The following CDS1 variants were observed in gnomAD, a reference collection of about 807,000 sequenced individuals.
CDS1 encodes the protein CDP-diacylglycerol synthase 1.
CDS1 carries 41 observed loss-of-function variants against 62.1 expected under a neutral mutation model. The observed-to-expected ratio is 0.66, with a 90% CI of 0.51 to 0.86. The LOEUF is 0.86. Ranked by LOEUF, CDS1 falls within the 40% of genes least tolerant of loss-of-function variation. CDS1 has a pLI of 0.00. For synonymous variants in CDS1, 185 were observed against 192.6 expected (o/e 0.96, Z 0.32); for missense variants, 470 against 550.1 (o/e 0.85, Z 1.46).
intron 1 of CDS1, among the ~76,000 whole-genome samples, chr4:84,592,003 T>G (rs1486113661): frequency 6.6e-6 from 1 of 152,200 alleles, no homozygotes; most frequent in African/African-American, 2.4e-5. Context: ...TTACTTATGA[T>G]CAATTTCAAG....
intron 8 of CDS1, among the ~76,000 whole-genome samples, chr4:84,637,846 A>T (rs983032704): frequency 2.0e-5 from 3 of 152,278 alleles, no homozygotes; most frequent in Admixed American, 6.5e-5. Flanking sequence ...GGCACTTTTG[A>T]ATTTGAGTCT....
intron 5 of CDS1, among the ~76,000 whole-genome samples, chr4:84,623,127 G>A (rs144783475): frequency 6.2e-4 from 95 of 152,246 alleles, no homozygotes; most frequent in Non-Finnish European, 1.2e-3. Context: ...AGAGACCTCT[G>A]CATTCCTGTT....
chr4:84,604,059 G>A (rs912740364), intron 1 of CDS1, among the ~76,000 whole-genome samples, 184 bp from the exon 2 acceptor site: 4 of 152,148 alleles, frequency 2.6e-5, no homozygotes, highest in African/African-American at 9.7e-5. Context: ...AGATTTTAGC[G>A]AAGATAGTCA....
chr4:84,584,904 C>T (rs768329316), intron 1 of CDS1, among the ~76,000 whole-genome samples: 8 of 152,086 alleles, frequency 5.3e-5, no homozygotes, highest in Non-Finnish European at 1.0e-4. Flanking sequence ...TGAAAACTGC[C>T]TTGGAAACTA....
chr4:84,634,266 T>C (rs1473532850), intron 7 of CDS1, among the ~76,000 whole-genome samples: 1 of 152,142 alleles, frequency 6.6e-6, no homozygotes, highest in Non-Finnish European at 1.5e-5. Context: ...TATTAAGATA[T>C]TATTTACATA....
chr4:84,588,311 G>A (rs1413316158), intron 1 of CDS1, among the ~76,000 whole-genome samples: 5 of 152,214 alleles, frequency 3.3e-5, no homozygotes, highest in South Asian at 4.1e-4. Context: ...CTCCATTTGA[G>A]ATGTGTGCAG....
chr4:84,645,841 A>G (rs1332117666), intron 12 of CDS1, among the ~76,000 whole-genome samples: 2 of 152,342 alleles, frequency 1.3e-5, no homozygotes, highest in Middle Eastern at 3.4e-3. Flanking sequence ...AGTTTGTTAG[A>G]TGGTTGTAAG....
intron 5 of CDS1, among the ~76,000 whole-genome samples, chr4:84,623,111 TGTGCCA>T (rs1233848238): frequency 1.3e-5 from 2 of 152,230 alleles, no homozygotes; most frequent in Non-Finnish European, 2.9e-5. Flanking sequence ...TGGAGACTTC[TGTGCCA>T]GAGACCTCTG....
At chr4:84,621,248 C>T (rs902918723) in intron 5 of CDS1, among the ~76,000 whole-genome samples, 13 of 152,140 alleles carry the variant, frequency 8.5e-5, no homozygotes, top group Admixed American at 6.5e-4. Flanking sequence ...ATTGTTTTAG[C>T]TCCTAGGAGT....
chr4:84,621,278 T>A (rs1349511605), intron 5 of CDS1, among the ~76,000 whole-genome samples: 2 of 152,192 alleles, frequency 1.3e-5, no homozygotes, highest in Non-Finnish European at 2.9e-5. Flanking sequence ...AATGAATTTT[T>A]CTCCTGGTAC....
chr4:84,599,644 A>C, intron 1 of CDS1, among the ~76,000 whole-genome samples: 1 of 151,580 alleles, frequency 6.6e-6, no homozygotes, highest in East Asian at 1.9e-4. Context: ...ATATATATAT[A>C]TGTATTACAT....
At chr4:84,595,658 G>A (rs1722726344) in intron 1 of CDS1, among the ~76,000 whole-genome samples, 1 of 152,154 alleles carries the variant, frequency 6.6e-6, no homozygotes, top group African/African-American at 2.4e-5. Context: ...AAAAGCTGGA[G>A]GCATTATTTA....
intron 9 of CDS1, 103 bp from the exon 10 acceptor site, chr4:84,640,735 C>A: frequency 2.2e-6 from 2 of 893,764 alleles, no homozygotes; most frequent in Non-Finnish European, 3.1e-6. Flanking sequence ...GGCATTCTAT[C>A]TCTGGCCTTT....
At chr4:84,622,180 C>A (rs549371026) in intron 5 of CDS1, among the ~76,000 whole-genome samples, 1 of 152,238 alleles carries the variant, frequency 6.6e-6, no homozygotes, top group South Asian at 2.1e-4. Context: ...TTTAAGGTAA[C>A]AAGACTTCTG....
chr4:84,620,641 A>C (rs192814269), intron 5 of CDS1, among the ~76,000 whole-genome samples: 1 of 152,194 alleles, frequency 6.6e-6, no homozygotes, highest in African/African-American at 2.4e-5. Flanking sequence ...GAATTTACAG[A>C]TATCTTTTCT....
chr4:84,584,691 G>A (rs1560460273), intron 1 of CDS1, among the ~76,000 whole-genome samples: 1 of 152,140 alleles, frequency 6.6e-6, no homozygotes, highest in African/African-American at 2.4e-5. Context: ...CGAAATAAAC[G>A]TAAACGTGAT....
Position 84,648,713 on chromosome 4 carries a change from A to G in CDS1, c.*27A>G, listed in dbSNP as rs1724625884. The G allele has an allele frequency of 6.3e-7, 1 of 1,582,890 alleles. No individual in the cohort carries two copies. Among genetic ancestry groups the G allele is most frequent in the Non-Finnish European group, 8.6e-7 (1 of 1,161,840 alleles). On this transcript the variant is annotated 3_prime_UTR_variant, in exon 13 of 13. Coordinates refer to ENST00000295887, the MANE Select transcript of CDS1 (RefSeq NM_001263.4). ...TGGATCCAGAGAGGGAAGGACTGAC[A>G]AGAAGGAATTATTCAGAAAAACACT... is the stretch of plus-strand genomic sequence containing the variant.
At chr4:84,583,911 A>G (rs1225883559) in intron 1 of CDS1, among the ~76,000 whole-genome samples, 1 of 152,180 alleles carries the variant, frequency 6.6e-6, no homozygotes, top group Non-Finnish European at 1.5e-5. Flanking sequence ...GAACAAAGTT[A>G]GTAAGGACTA....
intron 6 of CDS1, among the ~76,000 whole-genome samples, chr4:84,632,770 GAATA>G (rs1724063061): frequency 1.3e-5 from 2 of 152,270 alleles, no homozygotes; most frequent in East Asian, 3.9e-4. Context: ...GATAAAAATA[GAATA>G]AAATAGAGCA....
Sources: allele counts gnomAD v4.1 joint callset (sites outside exome capture counted in the v4.1 genomes callset), GRCh38; gene constraint gnomAD v4.1.1; transcripts MANE v1.5; gene names NCBI Gene and HGNC (gene_info 2026-07-23, HGNC 2026-07-21).